Variants in SHD observed in about 807,000 individuals in gnomAD.
SHD encodes Src homology 2 domain containing transforming protein D, also known as SH2 domain-containing adapter protein D.
A neutral mutation model predicts 31.2 loss-of-function variants in SHD; 29 were observed. The ratio of observed to expected loss-of-function variants is 0.93; its 90% CI spans 0.69 to 1.27. The LOEUF (loss-of-function observed/expected upper bound fraction) is 1.27. Among genes scored for constraint, SHD ranks in the 50% most tolerant of loss-of-function variants. SHD has a pLI of 0.00. For synonymous variants in SHD, 208 were observed against 187.8 expected (o/e 1.11, Z -0.88); for missense variants, 520 against 453.8 (o/e 1.15, Z -1.33).
Position 4,290,605 on chromosome 19 carries a change from T to TG in SHD, c.996dup (p.Tyr333ValfsTer36). The TG allele has an allele frequency of 6.2e-7, 1 of 1,612,120 alleles. No individual in the cohort carries two copies. Among genetic ancestry groups the TG allele is most frequent in the Middle Eastern group, 1.7e-4 (1 of 6,034 alleles). ...CAGGGTGCCGAGCATCTGGCTCTGC[T>TG]GTACCCCGTGGTCACGCAGACCCCC... is the stretch of plus-strand genomic sequence containing the variant. On this transcript the variant is annotated frameshift_variant, in exon 6 of 6. Transcript: ENST00000543264. LOFTEE classifies it high-confidence loss of function.
intron 1 of SHD, among the ~76,000 whole-genome samples, chr19:4,280,944 C>T (rs1971251176): frequency 6.6e-6 from 1 of 151,988 alleles, no homozygotes; most frequent in South Asian, 2.1e-4. Context: ...CCCCAGCCCC[C>T]TCCCCTCAGC....
chr19:4,281,515 T>C lies in SHD; in HGVS notation c.297+1155T>C, dbSNP rs1415542753. 1.0e-4 allele frequency among the ~76,000 whole-genome samples: 15 copies of C among 147,508 alleles called. No homozygotes were observed. The Admixed American group carries it at 1.0e-3, about 10-fold the overall frequency. On this transcript the variant is annotated intron_variant, in intron 1 of 5. Transcript: ENST00000543264. The stretch of plus-strand genomic sequence containing the variant: ...GTTCACACCTGTAATCCCAGCACTT[T>C]GGGAGGCCAAGGCAGGTGGATCACC...
chr19:4,282,976 G>T lies in SHD; in HGVS notation c.403+1G>T. The stretch of plus-strand genomic sequence containing the variant: ...TACGATGCCCAATGGGTCATGAGTG[G>T]TGAGTAGGCACGGCTTGGGGGAAGG... On this transcript the variant is annotated splice_donor_variant, in intron 2 of 5. Coordinates refer to ENST00000543264, the MANE Select transcript of SHD (RefSeq NM_020209.4). LOFTEE classifies it high-confidence loss of function. 1 of 1,614,106 alleles carries T rather than the reference G, an allele frequency of 6.2e-7. No homozygotes were observed. Among genetic ancestry groups the T allele is most frequent in the Non-Finnish European group, 8.5e-7 (1 of 1,180,014 alleles).
rs74542136 is a variant in SHD, at chr19:4,290,599, C to T, written c.989C>T (p.Ala330Val). The T allele has an allele frequency of 1.2e-6, 2 of 1,612,734 alleles. No homozygotes were observed. Among genetic ancestry groups the T allele is most frequent in the African/African-American group, 1.3e-5 (1 of 74,942 alleles). ...CCGGTGCAGGGTGCCGAGCATCTGG[C>T]TCTGCTGTACCCCGTGGTCACGCAG... ...PLPVQGAEHL[A>V]LLYPVVTQTP is the part of the protein sequence containing the mutation. Residue 330 changes from alanine (A) to valine (V), a missense_variant, in exon 6 of 6, where the codon GCT (alanine) becomes GTT (valine). Physicochemically the swap from Ala to Val is moderately conservative, Grantham distance 64. Transcript: ENST00000543264.
At chr19:4,282,073 C>T (rs980851185) in intron 1 of SHD, among the ~76,000 whole-genome samples, 6 of 152,156 alleles carry the variant, frequency 3.9e-5, no homozygotes, top group African/African-American at 1.2e-4. Context: ...GGAAGCCAGC[C>T]GCTGTCTGCG....
At chr19:4,290,367 T>C in intron 5 of SHD, 80 bp from the exon 6 acceptor site, 1 of 1,490,236 alleles carries the variant, frequency 6.7e-7, no homozygotes, top group Non-Finnish European at 9.1e-7. Context: ...GCCTGGGCAC[T>C]GTGGGAGGTG....
At chr19:4,284,969 G>A (rs1971294826) in intron 4 of SHD, 65 bp downstream of exon 4, 3 of 1,399,338 alleles carry the variant, frequency 2.1e-6, no homozygotes, top group Admixed American at 2.6e-5. Context: ...AATGTATCAG[G>A]CAGAAGTTTT....
rs762367085 is a variant in SHD, at chr19:4,283,101, C to A, written c.451C>A (p.Gln151Lys). The A allele has an allele frequency of 3.7e-6, 6 of 1,614,126 alleles. No homozygotes were observed. The East Asian group carries it at 8.9e-5, about 24-fold the overall frequency. The change falls in exon 3 of 6, where the codon CAG (glutamine) becomes AAG (lysine). Residue 151 changes from glutamine (Q) to lysine (K), a missense_variant. Physicochemically the swap from Gln to Lys is moderately conservative, Grantham distance 53. Transcript: ENST00000543264. Reference protein sequence around the residue: ...VQLYDTPYEEQDPETADGPPS... With the variant: ...VQLYDTPYEEKDPETADGPPS... ...GCTCTATGACACCCCTTATGAGGAA[C>A]AGGACCCAGAGACAGCAGATGGACC...
intron 1 of SHD, 138 bp from the exon 2 acceptor site, chr19:4,282,732 A>G (rs1599511973): frequency 2.9e-6 from 1 of 347,018 alleles, no homozygotes; most frequent in Non-Finnish European, 4.9e-6. Flanking sequence ...TAAAAATAAA[A>G]ATAAATAAAT....
At chr19:4,286,226 CTTTCTTTTCTTT>C (rs755506234) in intron 4 of SHD, among the ~76,000 whole-genome samples, 1 of 114,940 alleles carries the variant, frequency 8.7e-6, no homozygotes, top group African/African-American at 4.8e-5. Context: ...TTCTTTCTTT[CTTTCTTTTCTTT>C]CTTTCTTTCT....
intron 4 of SHD, 31 bp downstream of exon 4, chr19:4,284,935 C>A (rs1349574695): frequency 6.4e-7 from 1 of 1,560,492 alleles, no homozygotes; most frequent in Non-Finnish European, 8.7e-7. Flanking sequence ...TGGAAGAGCC[C>A]CGTTGAACGT....
At chr19:4,289,788 G>A (rs1490521467) in intron 5 of SHD, among the ~76,000 whole-genome samples, 2 of 149,506 alleles carry the variant, frequency 1.3e-5, no homozygotes, top group African/African-American at 5.0e-5. Flanking sequence ...AGCCAGGATG[G>A]TCTCCATCTC....
In SHD at chr19:4,290,693, C is replaced by T. The variant is rs1971370446; in HGVS notation, c.*60C>T. 8.8e-6 allele frequency: 13 copies of T among 1,473,462 alleles called. No homozygotes were observed. Among genetic ancestry groups the T allele is most frequent in the African/African-American group, 1.4e-5 (1 of 70,470 alleles). 91.3% of individuals were successfully genotyped at this position (1,473,462 alleles called of 1,614,324 possible). A position where few individuals can be genotyped will look rare whatever the true frequency, so the allele number is the denominator to read the frequency against. ...CCAGAATCGTATCCCAAAGCCCTCC[C>T]ATGGCCTAGAAAATAAATAAGTTAT... On this transcript the variant is annotated 3_prime_UTR_variant, in exon 6 of 6. Coordinates refer to ENST00000543264, the MANE Select transcript of SHD (RefSeq NM_020209.4).
rs1971291978 is a variant in SHD, at chr19:4,284,814, C to T, written c.626C>T (p.Pro209Leu). ...GACAGTCCAGAGTGGGAGAGGACTC[C>T]AGGCTCAGCCAAGGAGCTCCGGAGA... ...QFDSPEWERT[P>L]GSAKELRRPP... is the part of the protein sequence containing the mutation. The change falls in exon 4 of 6, where the codon CCA becomes CTA. Residue 209 changes from proline (P) to leucine (L), a missense_variant. Coordinates refer to ENST00000543264, the MANE Select transcript of SHD (RefSeq NM_020209.4). 6.2e-7 allele frequency: 1 copy of T among 1,613,014 alleles called. No individual in the cohort carries two copies. Among genetic ancestry groups the T allele is most frequent in the African/African-American group, 1.3e-5 (1 of 74,982 alleles).
chr19:4,290,713 A>C lies in SHD; in HGVS notation c.*80A>C. The stretch of plus-strand genomic sequence containing the variant: ...CCTCCCATGGCCTAGAAAATAAATA[A>C]GTTATTGTTTGTCTTAGTGTCCTTT... On this transcript the variant is annotated 3_prime_UTR_variant, in exon 6 of 6. Transcript: ENST00000543264. 7.1e-7 allele frequency: 1 copy of C among 1,413,908 alleles called. No individual in the cohort carries two copies. The highest frequency in any genetic ancestry group is 9.4e-7 in the Non-Finnish European group (1 of 1,058,940). The allele number at this position is 1,413,908 out of a possible 1,614,324, so 87.6% of individuals were successfully genotyped here.
At position 4,279,906 on chromosome 19, in the gene SHD, C is replaced by T; in HGVS notation, c.-158C>T. The T allele has an allele frequency of 2.4e-6, 2 of 840,650 alleles. No individual in the cohort carries two copies. Among genetic ancestry groups the T allele is most frequent in the Non-Finnish European group, 3.6e-6 (2 of 551,360 alleles). The allele number at this position is 840,650 out of a possible 1,614,324, so 52.1% of individuals were successfully genotyped here. A position where few individuals can be genotyped will look rare whatever the true frequency, so the allele number is the denominator to read the frequency against. On this transcript the variant is annotated 5_prime_UTR_variant, in exon 1 of 6. Transcript: ENST00000543264. The surrounding 1 kb of genome is among the most constrained non-coding windows in gnomAD (Gnocchi z 7.5). ...TCGTTCACCTTTTCCTTCCCTCTATCCATCCAGAGCCCCGCCAAAGGGCGC... is the reference window on the plus strand; with the variant it reads ...TCGTTCACCTTTTCCTTCCCTCTATTCATCCAGAGCCCCGCCAAAGGGCGC...
At chr19:4,282,608 C>A (rs995366387) in intron 1 of SHD, among the ~76,000 whole-genome samples, 1 of 151,630 alleles carries the variant, frequency 6.6e-6, no homozygotes, top group Non-Finnish European at 1.5e-5. Context: ...CCCAGCTACT[C>A]GGGAGGCTGA....
intron 1 of SHD, 29 bp downstream of exon 1, chr19:4,280,389 G>T: frequency 6.5e-7 from 1 of 1,530,786 alleles, no homozygotes; most frequent in South Asian, 1.2e-5. Context: ...TGGGGAGACT[G>T]GGTGGAGGGG....
At chr19:4,280,397 G>A in intron 1 of SHD, 37 bp downstream of exon 1, 1 of 1,523,502 alleles carries the variant, frequency 6.6e-7, no homozygotes, top group South Asian at 1.2e-5. Flanking sequence ...CTGGGTGGAG[G>A]GGAGGCTCAG....
Sources: gnomAD v4.1 joint callset for allele counts (sites outside exome capture counted in the v4.1 genomes callset) on GRCh38, gnomAD v4.1.1 for gene constraint, Gnocchi (gnomAD v3.1) non-coding constraint, MANE v1.5 for transcripts, NCBI Gene and HGNC (gene_info 2026-07-23, HGNC 2026-07-21) for gene names.